The following WNT9A variants were observed in gnomAD, a reference collection of about 807,000 sequenced individuals.
WNT9A encodes the protein protein Wnt-9a.
In WNT9A, 8 loss-of-function variants were observed where a neutral mutation model predicts 31.4. That is an observed-to-expected ratio of 0.26 (90% CI 0.15 to 0.46). WNT9A has a LOEUF of 0.46. WNT9A is among the 20% of genes least tolerant of loss of function. The pLI is 0.99. For synonymous variants in WNT9A, 236 were observed against 220.1 expected, an observed-to-expected ratio of 1.07 and a Z score of -0.64; for missense variants, 457 against 522.9, an observed-to-expected ratio of 0.87 and a Z score of 1.23.
At chr1:227,944,010 T>C (rs1666756942) in intron 1 of WNT9A, among the ~76,000 whole-genome samples, 1 of 152,028 alleles carries the variant, frequency 6.6e-6, no homozygotes, top group South Asian at 2.1e-4. Flanking sequence ...ATCACATGCA[T>C]GTGACCCAGT....
At chr1:227,924,116 C>A in intron 3 of WNT9A, 22 bp downstream of exon 3, 2 of 1,549,778 alleles carry the variant, frequency 1.3e-6, no homozygotes, top group South Asian at 1.2e-5. Context: ...CCTTCCCACC[C>A]CGCCAGCCCC....
chr1:227,924,240 G>A lies in WNT9A; in HGVS notation c.513C>T (p.Asn171=). The A allele has an allele frequency of 6.2e-7, 1 of 1,613,796 alleles. No individual in the cohort carries two copies. The highest frequency in any genetic ancestry group is 1.1e-5 in the South Asian group (1 of 91,084). The change falls in exon 3 of 4, where the codon AAC becomes AAT. Residue 171 remains asparagine, a synonymous_variant. Transcript: ENST00000272164. ...EAWQWGGCGD[N]LKYSSKFVKE... is the part of the protein sequence containing the mutation. ...TGACGAACTTGCTGCTGTACTTAAG[G>A]TTGTCTCCGCAGCCCCCCCACTGCC...
chr1:227,930,104 T>C (rs1355894060), intron 1 of WNT9A, among the ~76,000 whole-genome samples: 1 of 152,234 alleles, frequency 6.6e-6, no homozygotes, highest in Non-Finnish European at 1.5e-5. Flanking sequence ...ACCTTCCCAG[T>C]ATGCCATTCA....
chr1:227,934,783 C>A (rs1450760368), intron 1 of WNT9A, among the ~76,000 whole-genome samples: 1 of 152,108 alleles, frequency 6.6e-6, no homozygotes, highest in Non-Finnish European at 1.5e-5. Context: ...TGAGTCACAG[C>A]CTCAGGGACC....
At chr1:227,936,911 C>T (rs1558263061) in intron 1 of WNT9A, among the ~76,000 whole-genome samples, 1 of 152,160 alleles carries the variant, frequency 6.6e-6, no homozygotes, top group Non-Finnish European at 1.5e-5. Context: ...AACTCTCATC[C>T]TCTCCCCTCA....
chr1:227,940,598 C>G (rs1462175725), intron 1 of WNT9A, among the ~76,000 whole-genome samples: 1 of 152,240 alleles, frequency 6.6e-6, no homozygotes, highest in African/African-American at 2.4e-5. Flanking sequence ...GGACGCCGGC[C>G]CTGACGTTCT....
intron 1 of WNT9A, among the ~76,000 whole-genome samples, chr1:227,939,143 C>T (rs1018704865): frequency 2.0e-5 from 3 of 152,258 alleles, no homozygotes; most frequent in Admixed American, 6.5e-5. Context: ...AACACCCATA[C>T]GTGGCTGCGG....
At chr1:227,927,813 T>C (rs1666444338) in intron 1 of WNT9A, among the ~76,000 whole-genome samples, 1 of 151,846 alleles carries the variant, frequency 6.6e-6, no homozygotes, top group Non-Finnish European at 1.5e-5. Flanking sequence ...AAAACCCCTA[T>C]GACCAGGCCA....
chr1:227,922,803 G>C (rs1305952508), intron 3 of WNT9A, among the ~76,000 whole-genome samples: 1 of 152,198 alleles, frequency 6.6e-6, no homozygotes, highest in African/African-American at 2.4e-5. Flanking sequence ...TCCCTTCCCA[G>C]GTGGGACCCG....
rs892620501 is a variant in WNT9A at position 227,921,271 on chromosome 1, T to C, written c.*247A>G. 8.8e-6 allele frequency: 5 copies of C among 565,454 alleles called. No homozygotes were observed. The highest frequency in any genetic ancestry group is 7.5e-5 in the African/African-American group (4 of 53,228). 35.0% of individuals were successfully genotyped at this position (565,454 alleles called of 1,614,324 possible). On this transcript the variant is annotated 3_prime_UTR_variant, in exon 4 of 4. Coordinates refer to ENST00000272164, the MANE Select transcript of WNT9A (RefSeq NM_003395.4). Reference sequence around the variant, plus strand: ...TCAGCCTTGGCAGGTGTAGGCCCATTCATGCTCTGTGCAATGCCTGCACCC... The same window carrying C: ...TCAGCCTTGGCAGGTGTAGGCCCATCCATGCTCTGTGCAATGCCTGCACCC...
Position 227,925,447 on chromosome 1 carries a change from G to C in WNT9A, c.168C>G (p.Tyr56Ter), listed in dbSNP as rs1666404273. ...LEPEAAAQAH[Y>*]KACDRLKLER... ...CCAGCTTCAGCCGGTCGCAGGCCTT[G>C]TAGTGCGCCTGGGCAGCCGCCTCTG... Residue 56 changes from tyrosine (Y) to a stop codon, truncating the protein, a stop_gained, in exon 2 of 4, where the codon TAC (tyrosine) becomes TAG (stop). Coordinates refer to ENST00000272164, the MANE Select transcript of WNT9A (RefSeq NM_003395.4). LOFTEE classifies it high-confidence loss of function. The surrounding 1 kb of genome is among the most constrained non-coding windows in gnomAD (Gnocchi z 6.0). 2 of 1,587,858 alleles carry C rather than the reference G, an allele frequency of 1.3e-6. No individual in the cohort carries two copies. The highest frequency in any genetic ancestry group is 2.7e-5 in the African/African-American group (2 of 74,094).
At position 227,928,969 on chromosome 1, in the gene WNT9A, A is replaced by G. The variant is rs1666464524; in HGVS notation, c.96-3450T>C. 6.6e-6 allele frequency among the ~76,000 whole-genome samples: 1 copy of G among 152,262 alleles called. No individual in the cohort carries two copies. Among genetic ancestry groups the G allele is most frequent in the Non-Finnish European group, 1.5e-5 (1 of 68,038 alleles). On this transcript the variant is annotated intron_variant, in intron 1 of 3. Coordinates refer to ENST00000272164, the MANE Select transcript of WNT9A (RefSeq NM_003395.4). This position sits in a 1 kb window ranked among gnomAD's most constrained non-coding sequence, Gnocchi z 4.5. ...CAAATTACATCTGGGGCAAATGCCT[A>G]CAACTCACACCCCAGACCAGGGGCC...
At position 227,925,438 on chromosome 1, in the gene WNT9A, G is replaced by A. The variant is rs748983065; in HGVS notation, c.177C>T (p.Cys59=). The A allele has an allele frequency of 1.0e-5, 16 of 1,594,690 alleles. No individual in the cohort carries two copies. The highest frequency in any genetic ancestry group is 3.4e-5 in the Admixed American group (2 of 58,660). ...GCTTCCGCTCCAGCTTCAGCCGGTC[G>A]CAGGCCTTGTAGTGCGCCTGGGCAG... The part of the protein sequence containing the change: ...EAAAQAHYKA[C]DRLKLERKQR... The change falls in exon 2 of 4, where the codon TGC becomes TGT. Residue 59 remains cysteine, a synonymous_variant. Transcript: ENST00000272164. This position sits in a 1 kb window ranked among gnomAD's most constrained non-coding sequence, Gnocchi z 6.0.
Position 227,947,929 on chromosome 1 carries a change from G to A in WNT9A, c.-42C>T. ...GGCCGACCATCGCGCTCCCAGCTCCGCGCAGGGCGCGCCGCGGCCGCCGCC... is the reference window on the plus strand; with the variant it reads ...GGCCGACCATCGCGCTCCCAGCTCCACGCAGGGCGCGCCGCGGCCGCCGCC... On this transcript the variant is annotated 5_prime_UTR_variant, in exon 1 of 4. Transcript: ENST00000272164. The A allele has an allele frequency of 9.9e-7, 1 of 1,012,698 alleles. No individual in the cohort carries two copies. The allele number at this position is 1,012,698 out of a possible 1,614,324, so 62.7% of individuals were successfully genotyped here.
chr1:227,922,096 C>T, intron 3 of WNT9A, 96 bp from the exon 4 acceptor site: 1 of 1,493,432 alleles, frequency 6.7e-7, no homozygotes, highest in Non-Finnish European at 8.9e-7. Context: ...GACCCCACAC[C>T]CCCACCCAGG....
chr1:227,947,676 G>A (rs555500445), intron 1 of WNT9A, 117 bp downstream of exon 1: 81 of 482,592 alleles, frequency 1.7e-4, no homozygotes, highest in Admixed American at 5.4e-4. Context: ...AGGCAACCCG[G>A]CGGCCCCGCC....
chr1:227,942,268 A>G lies in WNT9A; in HGVS notation c.95+5525T>C, dbSNP rs1002532055. ...CACTGCTGCTCCGTCCTTACCACAC[A>G]CCCTCCACACCCTCCAGGGAGCCAG... On this transcript the variant is annotated intron_variant, in intron 1 of 3. Coordinates refer to ENST00000272164, the MANE Select transcript of WNT9A (RefSeq NM_003395.4). The surrounding 1 kb of genome is among the most constrained non-coding windows in gnomAD (Gnocchi z 5.7). 1.3e-5 allele frequency among the ~76,000 whole-genome samples: 2 copies of G among 151,712 alleles called. No homozygotes were observed. The highest frequency in any genetic ancestry group is 4.8e-5 in the African/African-American group (2 of 41,286).
chr1:227,921,616 C>T lies in WNT9A; in HGVS notation c.1000G>A (p.Val334Met). ...TGGCACTGGCAGGGCCTTGTCACCACCCGGCTCTGTGTGTTATGGCCGCGG... is the reference window on the plus strand; with the variant it reads ...TGGCACTGGCAGGGCCTTGTCACCATCCGGCTCTGTGTGTTATGGCCGCGG... ...CGRGHNTQSR[V>M]VTRPCQCQVR... The change falls in exon 4 of 4, where the codon GTG becomes ATG. Residue 334 changes from valine (V) to methionine (M), a missense_variant. Physicochemically the swap from Val to Met is conservative, Grantham distance 21 (BLOSUM62 1). Transcript: ENST00000272164. The T allele has an allele frequency of 6.2e-7, 1 of 1,613,486 alleles. No individual in the cohort carries two copies. The highest frequency in any genetic ancestry group is 2.2e-5 in the East Asian group (1 of 44,876).
At chr1:227,944,229 G>A (rs1666760338) in intron 1 of WNT9A, among the ~76,000 whole-genome samples, 1 of 152,166 alleles carries the variant, frequency 6.6e-6, no homozygotes, top group Non-Finnish European at 1.5e-5. Context: ...ACTAACGCGT[G>A]CTACAACGGT....
Sources: allele counts gnomAD v4.1 joint callset (sites outside exome capture counted in the v4.1 genomes callset), GRCh38; gene constraint gnomAD v4.1.1; non-coding constraint Gnocchi (gnomAD v3.1); transcripts MANE v1.5; gene names NCBI Gene and HGNC (gene_info 2026-07-23, HGNC 2026-07-21).